DNASE1: variants seen among roughly 807,000 people sequenced by gnomAD.
The protein encoded by DNASE1 is deoxyribonuclease 1.
In DNASE1, 40 loss-of-function variants were observed where a neutral mutation model predicts 33.9. The ratio of observed to expected loss-of-function variants is 1.18; its 90% confidence interval spans 0.92 to 1.54. DNASE1 has a LOEUF of 1.54. Among genes scored for constraint, DNASE1 ranks in the 40% most tolerant of loss-of-function variants. The pLI, the probability that DNASE1 is intolerant of heterozygous loss-of-function variation, is 0.00. For synonymous variants in DNASE1, 216 were observed against 160.0 expected, an observed-to-expected ratio of 1.35 and a Z score of -2.64; for missense variants, 518 against 372.6, an observed-to-expected ratio of 1.39 and a Z score of -3.21.
chr16:3,612,694 C>T (rs756505325), intron 1 of DNASE1, among the ~76,000 whole-genome samples: 2 of 151,830 alleles, frequency 1.3e-5, no homozygotes, highest in Non-Finnish European at 2.9e-5. Flanking sequence ...CAGGCGTGAG[C>T]CACCACGCCC....
In DNASE1 at chr16:3,655,859, G is replaced by T; in HGVS notation, c.158G>T (p.Arg53Leu). Residue 53 changes from arginine (R) to leucine (L), a missense_variant, in exon 3 of 9, where the codon CGC (arginine) becomes CTC (leucine). Coordinates refer to ENST00000246949, the MANE Select transcript of DNASE1 (RefSeq NM_005223.4). ...TGGCCCTGCCCCCAGATCCTGAGCC[G>T]CTATGACATCGCCCTGGTCCAGGAG... Reference protein sequence around the residue: ...LVSYIVQILSRYDIALVQEVR... With the variant: ...LVSYIVQILSLYDIALVQEVR... The T allele has an allele frequency of 6.2e-7, 1 of 1,613,420 alleles. No homozygotes were observed. The highest frequency in any genetic ancestry group is 1.7e-5 in the Admixed American group (1 of 59,996).
exon 10 of DNASE1, chr16:3,663,613 C>G (rs2050745212): frequency 3.1e-6 from 5 of 1,607,988 alleles, no homozygotes; most frequent in Non-Finnish European, 2.5e-6. Context: ...CTCCAGCCAC[C>G]ACAGAAGAAA....
At chr16:3,619,555 G>A (rs1049417299) in intron 1 of DNASE1, among the ~76,000 whole-genome samples, 6 of 148,248 alleles carry the variant, frequency 4.0e-5, no homozygotes, top group African/African-American at 1.5e-4. Context: ...TAGAGACAGG[G>A]TTTCACCGTG....
chr16:3,627,918 C>T (rs1596574438), intron 1 of DNASE1, among the ~76,000 whole-genome samples: 1 of 113,164 alleles, frequency 8.8e-6, no homozygotes, highest in Non-Finnish European at 1.7e-5. Flanking sequence ...TGAATTTCAG[C>T]ATGTATTTTC....
chr16:3,635,335 A>G (rs1403660794), intron 1 of DNASE1, among the ~76,000 whole-genome samples: 4 of 151,418 alleles, frequency 2.6e-5, no homozygotes, highest in South Asian at 4.2e-4. Flanking sequence ...GCGTGTGCCT[A>G]TAATCCCAGC....
intron 4 of DNASE1, 86 bp downstream of exon 4, chr16:3,656,271 T>C (rs2042610856): frequency 1.4e-6 from 2 of 1,420,822 alleles, no homozygotes; most frequent in Admixed American, 3.5e-5. Flanking sequence ...TATTAGTTTG[T>C]CCTATGGCAA....
At chr16:3,637,759 G>A (rs1045770714) in intron 1 of DNASE1, among the ~76,000 whole-genome samples, 6 of 152,130 alleles carry the variant, frequency 3.9e-5, no homozygotes, top group Non-Finnish European at 7.4e-5. Context: ...GTGAGAGTCT[G>A]GTAGGGCTCA....
At chr16:3,640,131 C>T (rs1465633786), upstream of DNASE1, among the ~76,000 whole-genome samples, 3 of 152,166 alleles carry the variant, frequency 2.0e-5, no homozygotes, top group Non-Finnish European at 4.4e-5. Flanking sequence ...GATCTCTCCA[C>T]GGTGGCTTGT....
exon 10 of DNASE1, chr16:3,665,218 C>T (rs1761507317): frequency 6.6e-6 from 1 of 152,198 alleles, no homozygotes; most frequent in Non-Finnish European, 1.5e-5. Context: ...CTGCCGAAGT[C>T]GGCAAACAAC....
upstream of DNASE1, among the ~76,000 whole-genome samples, chr16:3,639,677 T>G (rs740862): frequency 0.4 from 60,997 of 152,078 alleles, 14,347 homozygotes; most frequent in African/African-American, 0.66. Flanking sequence ...TTCCCTTGTT[T>G]AAGCTACCAT....
At chr16:3,615,290 TC>T (rs1329586679) in intron 1 of DNASE1, among the ~76,000 whole-genome samples, 2 of 152,126 alleles carry the variant, frequency 1.3e-5, no homozygotes, top group South Asian at 4.1e-4. Flanking sequence ...TATACATAAT[TC>T]CTCCCTTCAA....
At chr16:3,631,243 C>G (rs1419722722) in intron 1 of DNASE1, among the ~76,000 whole-genome samples, 1 of 151,940 alleles carries the variant, frequency 6.6e-6, no homozygotes, top group Non-Finnish European at 1.5e-5. Context: ...TGGTCTGTTG[C>G]CCAGACTGGA....
At position 3,655,469 on chromosome 16, in the gene DNASE1, AT is replaced by A. The variant is rs1567208370; in HGVS notation, c.99del (p.Phe33LeufsTer19). 6.2e-7 allele frequency: 1 copy of A among 1,614,148 alleles called. No individual in the cohort carries two copies. Among genetic ancestry groups the A allele is most frequent in the Admixed American group, 1.7e-5 (1 of 60,024 alleles). ...AGATCGCAGCCTTCAACATCCAGAC[AT>A]TTGGGGAGACCAAGATGTCCAATGC... is the stretch of plus-strand genomic sequence containing the variant. Reference protein sequence around the residue: ...LKIAAFNIQTFGETKMSNATL... With the variant: ...LKIAAFNIQTXGETKMSNATL... On this transcript the variant is annotated frameshift_variant, in exon 2 of 9. Coordinates refer to ENST00000246949, the MANE Select transcript of DNASE1 (RefSeq NM_005223.4). LOFTEE classifies it high-confidence loss of function.
intron 1 of DNASE1, among the ~76,000 whole-genome samples, chr16:3,613,384 G>A (rs1289240072): frequency 2.6e-5 from 4 of 152,170 alleles, no homozygotes; most frequent in African/African-American, 9.7e-5. Flanking sequence ...ATGGGCATAT[G>A]GATGTTTTTA....
At chr16:3,657,588 C>G (rs1351643038) in intron 7 of DNASE1, 132 bp from the exon 8 acceptor site, 1 of 1,304,628 alleles carries the variant, frequency 7.7e-7, no homozygotes, top group African/African-American at 1.5e-5. Context: ...GGGCACAGAC[C>G]AGGGTGTGCA....
At chr16:3,656,881 A>G in intron 5 of DNASE1, 118 bp from the exon 6 acceptor site, 1 of 1,544,894 alleles carries the variant, frequency 6.5e-7, no homozygotes, top group Non-Finnish European at 8.7e-7. Flanking sequence ...TTTCCATTCA[A>G]GTCATTTGGA....
At chr16:3,658,716 C>T (rs374867889), downstream of DNASE1, 140 of 1,365,148 alleles carry the variant, frequency 1.0e-4, 1 homozygote, top group South Asian at 9.2e-4. Flanking sequence ...TAGAGGAAAC[C>T]GCTGTTCCAC....
At chr16:3,637,705 C>T (rs988908431) in intron 1 of DNASE1, among the ~76,000 whole-genome samples, 1 of 152,184 alleles carries the variant, frequency 6.6e-6, no homozygotes, top group African/African-American at 2.4e-5. Flanking sequence ...TGCTTTCCCC[C>T]TCCCCCGCCA....
chr16:3,655,044 G>T lies in DNASE1; in HGVS notation c.-2G>T. On this transcript the variant is annotated splice_region_variant and 5_prime_UTR_variant, in exon 1 of 9. It adds an upstream start codon to the 5' untranslated region. Coordinates refer to ENST00000246949, the MANE Select transcript of DNASE1 (RefSeq NM_005223.4). ...CTCTGAGGACATCACCATCATCTCA[G>T]GTGAGCACCAGGTGGAGTGCCTCTG... 1 of 573,964 alleles carries T rather than the reference G, an allele frequency of 1.7e-6. No homozygotes were observed. Among genetic ancestry groups the T allele is most frequent in the South Asian group, 2.3e-5 (1 of 43,664 alleles). The allele number at this position is 573,964 out of a possible 1,614,324, so 35.6% of individuals were successfully genotyped here.
Sources: gnomAD v4.1 joint callset for allele counts (sites outside exome capture counted in the v4.1 genomes callset) on GRCh38, gnomAD v4.1.1 for gene constraint, MANE v1.5 for transcripts, NCBI Gene and HGNC (gene_info 2026-07-23, HGNC 2026-07-21) for gene names.